The following ARFGEF1 variants were observed in gnomAD, a reference collection of about 807,000 sequenced individuals.
ARFGEF1 encodes the protein brefeldin A-inhibited guanine nucleotide-exchange protein 1.
A neutral mutation model predicts 231.0 loss-of-function variants in ARFGEF1; 42 were observed. That is an observed-to-expected ratio of 0.18 (90% CI 0.14 to 0.24). The LOEUF is 0.24. Ranked by LOEUF, ARFGEF1 falls within the 10% of genes least tolerant of loss-of-function variation. The pLI, the probability that ARFGEF1 is intolerant of heterozygous loss-of-function variation, is 1.00. For missense variants in ARFGEF1, 1,345 were observed against 2,192.0 expected, an observed-to-expected ratio of 0.61 and a Z score of 7.72; for synonymous variants, 710 against 732.3, an observed-to-expected ratio of 0.97 and a Z score of 0.49.
At chr8:67,216,509 T>A in intron 33 of ARFGEF1, 81 bp downstream of exon 33, 1 of 1,251,776 alleles carries the variant, frequency 8.0e-7, no homozygotes, top group Non-Finnish European at 1.1e-6. Flanking sequence ...ATTAAGACAA[T>A]TACATGTAAG....
At chr8:67,338,578 CTTA>C (rs1254075159) in intron 1 of ARFGEF1, among the ~76,000 whole-genome samples, 1 of 152,198 alleles carries the variant, frequency 6.6e-6, no homozygotes, top group Non-Finnish European at 1.5e-5. Flanking sequence ...TCAACCCAAA[CTTA>C]TTTTCTTCAA....
intron 32 of ARFGEF1, 33 bp from the exon 33 acceptor site, chr8:67,216,695 G>A: frequency 6.4e-7 from 1 of 1,556,492 alleles, no homozygotes. Context: ...CAATCACTAG[G>A]GGGCTGTGCC....
intron 1 of ARFGEF1, among the ~76,000 whole-genome samples, chr8:67,339,082 T>C (rs539913164): frequency 2.6e-5 from 4 of 152,300 alleles, no homozygotes; most frequent in African/African-American, 9.6e-5. Flanking sequence ...GTCTCAATAT[T>C]GTATCTCTGG....
At chr8:67,268,812 T>C (rs1804952942) in intron 10 of ARFGEF1, among the ~76,000 whole-genome samples, 2 of 152,214 alleles carry the variant, frequency 1.3e-5, no homozygotes, top group Non-Finnish European at 2.9e-5. Flanking sequence ...AAATATCCAT[T>C]AAGTTGTTTG....
chr8:67,237,832 T>A (rs1164915660), intron 22 of ARFGEF1, among the ~76,000 whole-genome samples: 4 of 152,038 alleles, frequency 2.6e-5, no homozygotes, highest in Non-Finnish European at 5.9e-5. Context: ...CTTCCATTTA[T>A]GACTAAAAAA....
intron 7 of ARFGEF1, among the ~76,000 whole-genome samples, chr8:67,285,849 A>G (rs1805735618): frequency 6.6e-6 from 1 of 152,206 alleles, no homozygotes; most frequent in African/African-American, 2.4e-5. Context: ...AAAATTTGAA[A>G]TATTCTACAA....
intron 1 of ARFGEF1, 152 bp downstream of exon 1, chr8:67,343,012 A>G (rs1413014773): frequency 1.7e-5 from 15 of 903,838 alleles, no homozygotes; most frequent in Non-Finnish European, 2.4e-5. Flanking sequence ...GTTCCTGTCA[A>G]CTCCAGACAG....
At chr8:67,190,044 G>A (rs778222776) in intron 5 of ARFGEF1, among the ~76,000 whole-genome samples, 1 of 152,126 alleles carries the variant, frequency 6.6e-6, no homozygotes, top group Non-Finnish European at 1.5e-5. Context: ...GCAGAGTAGA[G>A]TTAACCATAA....
At chr8:67,299,796 C>T (rs1156379463) in intron 3 of ARFGEF1, among the ~76,000 whole-genome samples, 2 of 151,956 alleles carry the variant, frequency 1.3e-5, no homozygotes, top group Non-Finnish European at 2.9e-5. Context: ...CAGGGAAAGC[C>T]CATCTCTACA....
intron 34 of ARFGEF1, among the ~76,000 whole-genome samples, chr8:67,205,868 AT>A (rs1259253298): frequency 1.3e-4 from 19 of 145,370 alleles, no homozygotes; most frequent in African/African-American, 4.2e-4. Flanking sequence ...AAAAAAATAA[AT>A]AAATAAATAA....
At chr8:67,262,205 G>A (rs1164794366) in intron 14 of ARFGEF1, among the ~76,000 whole-genome samples, 2 of 152,160 alleles carry the variant, frequency 1.3e-5, no homozygotes, top group African/African-American at 2.4e-5. Context: ...AACATCAATA[G>A]GAGTTGGGAA....
At chr8:67,269,842 GT>G (rs1232620411) in intron 10 of ARFGEF1, among the ~76,000 whole-genome samples, 1 of 152,062 alleles carries the variant, frequency 6.6e-6, no homozygotes, top group African/African-American at 2.4e-5. Context: ...ATTTCTTAAA[GT>G]TTTTCCTTTC....
In ARFGEF1 at chr8:67,218,205, A is replaced by ATATATAT. The variant is rs1479884009; in HGVS notation, c.4339-68_4339-67insATATATA. 1.7e-3 allele frequency: 257 copies of ATATATAT among 155,394 alleles called. 1 individual carries two copies. The highest frequency in any genetic ancestry group is 3.2e-3 in the African/African-American group (52 of 16,388). The allele number at this position is 155,394 out of a possible 1,614,324, so 9.6% of individuals were successfully genotyped here. On this transcript the variant is annotated intron_variant, in intron 30 of 38. Transcript: ENST00000262215. ...ACTACTATGATTAAAAAAAAAAAAA[A>ATATATAT]AAATATATATATATATATATATATA... is the stretch of plus-strand genomic sequence containing the variant.
intron 29 of ARFGEF1, among the ~76,000 whole-genome samples, chr8:67,222,204 T>TATATATATATATATATATATAC (rs1491480114): frequency 8.7e-6 from 1 of 114,430 alleles, no homozygotes; most frequent in Non-Finnish European, 1.8e-5. Flanking sequence ...TATATATATA[T>TATATATATATATATATATATAC]ACACACACAT....
intron 3 of ARFGEF1, among the ~76,000 whole-genome samples, chr8:67,299,702 T>C (rs1259097990): frequency 1.3e-5 from 2 of 152,204 alleles, no homozygotes; most frequent in African/African-American, 2.4e-5. Flanking sequence ...TCCCAGCACT[T>C]TGGGAGGCCT....
chr8:67,290,283 T>C (rs1000523897), intron 6 of ARFGEF1, among the ~76,000 whole-genome samples: 3 of 152,200 alleles, frequency 2.0e-5, no homozygotes, highest in Non-Finnish European at 4.4e-5. Context: ...TTAGTCCATG[T>C]TGTTTCCTTG....
intron 5 of ARFGEF1, chr8:67,190,543 T>C (rs781699760): frequency 4.6e-5 from 36 of 777,380 alleles, no homozygotes; most frequent in Non-Finnish European, 7.9e-5. Flanking sequence ...TGAGTGTGTT[T>C]CATGGTATTG....
At chr8:67,253,668 T>C in intron 17 of ARFGEF1, 46 bp from the exon 18 acceptor site, 1 of 1,079,466 alleles carries the variant, frequency 9.3e-7, no homozygotes, top group Non-Finnish European at 1.3e-6. Flanking sequence ...AACATAAAGG[T>C]TACACTTGTA....
At chr8:67,270,002 A>C (rs562160351) in intron 10 of ARFGEF1, among the ~76,000 whole-genome samples, 1 of 152,282 alleles carries the variant, frequency 6.6e-6, no homozygotes, top group East Asian at 1.9e-4. Flanking sequence ...AAAATCTGTA[A>C]TTGGTTACAT....
Sources: gnomAD v4.1 joint callset for allele counts (sites outside exome capture counted in the v4.1 genomes callset) on GRCh38, gnomAD v4.1.1 for gene constraint, MANE v1.5 for transcripts, NCBI Gene and HGNC (gene_info 2026-07-23, HGNC 2026-07-21) for gene names.